DAB1: variants seen among roughly 807,000 people sequenced by gnomAD.
DAB1 encodes the protein disabled homolog 1.
DAB1 carries 15 observed loss-of-function variants against 64.6 expected under a neutral mutation model. That is an observed-to-expected ratio of 0.23 (90% CI 0.16 to 0.36). The LOEUF is 0.36. DAB1 is among the 10% of genes least tolerant of loss of function. The pLI, the probability that DAB1 is intolerant of heterozygous loss-of-function variation, is 1.00. For missense variants in DAB1, 596 were observed against 706.7 expected, an observed-to-expected ratio of 0.84 and a Z score of 1.78; for synonymous variants, 235 against 251.9, an observed-to-expected ratio of 0.93 and a Z score of 0.64.
At chr1:57,312,168 A>T (rs1240440) in intron 1 of DAB1, among the ~76,000 whole-genome samples, 8,648 of 152,290 alleles carry the variant, frequency 0.057, 309 homozygotes, top group African/African-American at 0.071. Flanking sequence ...CCAGCCCTTA[A>T]CTTGGGGTCT....
At chr1:57,105,809 T>C (rs500614) in intron 4 of DAB1, among the ~76,000 whole-genome samples, 117,892 of 152,062 alleles carry the variant, frequency 0.78, 45,934 homozygotes, top group East Asian at 0.98. Context: ...TTTATTTTCA[T>C]GTTCTAATTT....
upstream of DAB1, among the ~76,000 whole-genome samples, chr1:57,886,369 G>T (rs1176324092): frequency 6.6e-6 from 1 of 152,068 alleles, no homozygotes; most frequent in Non-Finnish European, 1.5e-5. Flanking sequence ...ATGTTGGCCA[G>T]GCTGGTCTCG....
chr1:57,523,332 T>C (rs1644552733), intron 7 of DAB1, among the ~76,000 whole-genome samples: 1 of 152,118 alleles, frequency 6.6e-6, no homozygotes, highest in Non-Finnish European at 1.5e-5. Context: ...GGATATTACA[T>C]ACAGTAAAAA....
At chr1:57,959,950 T>C (rs1291266948) in intron 5 of DAB1, among the ~76,000 whole-genome samples, 1 of 152,226 alleles carries the variant, frequency 6.6e-6, no homozygotes, top group African/African-American at 2.4e-5. Flanking sequence ...CTCCTCTCTC[T>C]AGGCAACCCT....
chr1:57,543,153 C>T (rs557661630), intron 7 of DAB1, among the ~76,000 whole-genome samples: 11 of 152,284 alleles, frequency 7.2e-5, no homozygotes, highest in African/African-American at 2.6e-4. Context: ...CCTCAGGAAT[C>T]GTGTGAAATA....
intron 4 of DAB1, among the ~76,000 whole-genome samples, chr1:57,105,369 C>T (rs181802656): frequency 3.3e-5 from 5 of 151,982 alleles, no homozygotes; most frequent in Non-Finnish European, 7.4e-5. Context: ...CCCTTTCAAG[C>T]GCTTCCCAGT....
chr1:57,386,358 C>A (rs1681836144), intron 1 of DAB1, among the ~76,000 whole-genome samples: 1 of 112,752 alleles, frequency 8.9e-6, no homozygotes, highest in Admixed American at 9.0e-5. Context: ...CTCACTTAGG[C>A]CCCTTGGGAA....
chr1:58,414,486 T>C (rs572665743), intron 3 of DAB1, among the ~76,000 whole-genome samples: 1 of 152,392 alleles, frequency 6.6e-6, no homozygotes, highest in African/African-American at 2.4e-5. Context: ...TTTTGTTTAG[T>C]GTTTATTTCT....
chr1:58,396,934 G>A (rs1185286125), intron 3 of DAB1, among the ~76,000 whole-genome samples: 18 of 152,058 alleles, frequency 1.2e-4, no homozygotes, highest in Admixed American at 1.2e-3. Flanking sequence ...GCGTAGTGGT[G>A]GGCTCCTGTA....
At chr1:57,748,658 T>C (rs942213573) in intron 6 of DAB1, among the ~76,000 whole-genome samples, 1 of 151,884 alleles carries the variant, frequency 6.6e-6, no homozygotes, top group African/African-American at 2.4e-5. Context: ...ATAACTAGAG[T>C]GGTCAGGGCA....
chr1:58,082,629 C>T (rs951025105), intron 5 of DAB1, among the ~76,000 whole-genome samples: 3 of 151,872 alleles, frequency 2.0e-5, no homozygotes, highest in Non-Finnish European at 2.9e-5. Context: ...AGGAAGTTTC[C>T]CCTGACATGA....
Position 58,496,169 on chromosome 1 carries a change from C to CTTTTTTTTTTTTTTTTTTTT in DAB1, n.257+9890_257+9891insAAAAAAAAAAAAAAAAAAAA, listed in dbSNP as rs375006213. ...TTCAATATTCTTTCATTTTTTTAGA[C>CTTTTTTTTTTTTTTTTTTTT]TTTTTTTTTTTGGCTTTGGGCATTT... On this transcript the variant is annotated intron_variant and non_coding_transcript_variant, in intron 3 of 20. Coordinates refer to the DAB1 transcript ENST00000485760. Among the ~76,000 whole-genome samples the CTTTTTTTTTTTTTTTTTTTT allele has an allele frequency of 4.8e-5, 7 of 144,972 alleles. No individual in the cohort carries two copies. In the East Asian group the frequency reaches 1.3e-3, roughly 27 times the overall value.
chr1:58,094,308 C>T (rs1650858367), intron 5 of DAB1, among the ~76,000 whole-genome samples: 1 of 152,206 alleles, frequency 6.6e-6, no homozygotes, highest in Non-Finnish European at 1.5e-5. Context: ...AATTAAATAT[C>T]CTTTGTTTTA....
At chr1:57,071,493 C>G in intron 6 of DAB1, 29 bp downstream of exon 6, 2 of 1,597,816 alleles carry the variant, frequency 1.3e-6, no homozygotes, top group Non-Finnish European at 1.7e-6. Context: ...GGCCCGATCT[C>G]CAGCGCAAGG....
At chr1:57,862,047 A>G (rs988684573) in intron 1 of DAB1, among the ~76,000 whole-genome samples, 2 of 152,186 alleles carry the variant, frequency 1.3e-5, no homozygotes, top group Non-Finnish European at 2.9e-5. Flanking sequence ...ATGGAAAATA[A>G]TTCACTAAAT....
chr1:57,301,655 C>A (rs971649381), intron 1 of DAB1, among the ~76,000 whole-genome samples: 2 of 152,182 alleles, frequency 1.3e-5, no homozygotes, highest in African/African-American at 4.8e-5. Flanking sequence ...ATTATTTATT[C>A]TCCCTTCCAC....
At position 58,518,297 on chromosome 1, in the gene DAB1, A is replaced by G. The variant is rs866665814; in HGVS notation, n.107+8964T>C. Reference sequence around the variant, plus strand: ...GGAGAGGAGAAGAGAAGAGAAGAGAAGAGAAGAGAAGAGAAGAGAAGAGAA... The same window carrying G: ...GGAGAGGAGAAGAGAAGAGAAGAGAGGAGAAGAGAAGAGAAGAGAAGAGAA... On this transcript the variant is annotated intron_variant and non_coding_transcript_variant, in intron 2 of 20. Transcript: ENST00000485760. 1.1e-3 allele frequency among the ~76,000 whole-genome samples: 65 copies of G among 58,252 alleles called. 1 individual carries two copies. The highest frequency in any genetic ancestry group is 2.0e-3 in the African/African-American group (21 of 10,650). The allele number at this position is 58,252 out of a possible 152,430, so 38.2% of individuals were successfully genotyped here.
intron 6 of DAB1, among the ~76,000 whole-genome samples, chr1:57,665,094 C>G (rs892304603): frequency 2.0e-5 from 3 of 151,898 alleles, no homozygotes; most frequent in East Asian, 3.8e-4. Flanking sequence ...TCTGAAAAAG[C>G]ATATTTGTAT....
intron 3 of DAB1, among the ~76,000 whole-genome samples, chr1:58,456,924 C>T (rs533855120): frequency 6.6e-6 from 1 of 152,178 alleles, no homozygotes; most frequent in Non-Finnish European, 1.5e-5. Context: ...TTCATTATCT[C>T]ATTTAATTCT....
Sources: allele counts gnomAD v4.1 joint callset (sites outside exome capture counted in the v4.1 genomes callset), GRCh38; gene constraint gnomAD v4.1.1; transcripts MANE v1.5; gene names NCBI Gene and HGNC (gene_info 2026-07-23, HGNC 2026-07-21).